PACS1: variants seen among roughly 807,000 people sequenced by gnomAD.
PACS1 encodes PACS-1.
A neutral mutation model predicts 115.0 loss-of-function variants in PACS1; 24 were observed. The ratio of observed to expected loss-of-function variants is 0.21; its 90% CI spans 0.15 to 0.29. The LOEUF is 0.29. Ranked by LOEUF, PACS1 falls within the 10% of genes least tolerant of loss-of-function variation. The probability of loss-of-function intolerance (pLI) is 1.00; values close to 1 mark genes in which losing one functional copy is unlikely to be tolerated. For synonymous variants in PACS1, 453 were observed against 504.5 expected (o/e 0.90, Z 1.37); for missense variants, 838 against 1,251.2 (o/e 0.67, Z 4.98).
intron 1 of PACS1, among the ~76,000 whole-genome samples, chr11:66,123,158 G>A (rs1345368969): frequency 8.0e-5 from 12 of 150,290 alleles, no homozygotes; most frequent in African/African-American, 2.2e-4. Context: ...GAGAAAGATT[G>A]CAACTTGCAG....
At chr11:66,118,509 G>A (rs1193374761) in intron 1 of PACS1, among the ~76,000 whole-genome samples, 1 of 152,154 alleles carries the variant, frequency 6.6e-6, no homozygotes, top group East Asian at 1.9e-4. Flanking sequence ...CTCCTTGGGA[G>A]GCTGAGGTGG....
intron 1 of PACS1, among the ~76,000 whole-genome samples, chr11:66,175,706 G>T (rs189314726): frequency 2.8e-4 from 42 of 152,296 alleles, no homozygotes; most frequent in Admixed American, 5.9e-4. Context: ...GAGCCAGGGT[G>T]GTGTCACCTT....
At chr11:66,144,729 G>T (rs1196954570) in intron 1 of PACS1, among the ~76,000 whole-genome samples, 2 of 152,190 alleles carry the variant, frequency 1.3e-5, no homozygotes, top group Non-Finnish European at 2.9e-5. Flanking sequence ...TGCCTCCCGG[G>T]TTCAAGCAAT....
chr11:66,099,631 C>T (rs188696172), intron 1 of PACS1, among the ~76,000 whole-genome samples: 87 of 152,026 alleles, frequency 5.7e-4, no homozygotes, highest in African/African-American at 1.9e-3. Context: ...CTGCAACCTC[C>T]GCCTCCTGGG....
intron 1 of PACS1, among the ~76,000 whole-genome samples, chr11:66,144,640 C>A (rs1243606085): frequency 6.6e-6 from 1 of 152,034 alleles, no homozygotes; most frequent in Non-Finnish European, 1.5e-5. Context: ...GTTCATTATT[C>A]TTTTTTTTCT....
intron 1 of PACS1, among the ~76,000 whole-genome samples, chr11:66,153,771 A>G (rs1351855122): frequency 1.3e-5 from 2 of 152,132 alleles, no homozygotes; most frequent in Admixed American, 1.3e-4. Flanking sequence ...ACAGAGCGAG[A>G]CTGTCTCAAA....
intron 2 of PACS1, among the ~76,000 whole-genome samples, chr11:66,207,088 C>A (rs1164231638): frequency 6.6e-6 from 1 of 152,112 alleles, no homozygotes. Flanking sequence ...TGAGGCAATC[C>A]GTACATCATA....
intron 1 of PACS1, among the ~76,000 whole-genome samples, chr11:66,115,232 A>G (rs1355728884): frequency 1.3e-5 from 2 of 148,900 alleles, no homozygotes; most frequent in Non-Finnish European, 3.0e-5. Flanking sequence ...AAAAAAAACT[A>G]GAACAGTGAC....
chr11:66,223,489 G>A (rs1855403702), intron 10 of PACS1, among the ~76,000 whole-genome samples: 1 of 152,036 alleles, frequency 6.6e-6, no homozygotes, highest in Non-Finnish European at 1.5e-5. Flanking sequence ...TTAGTGTTTA[G>A]GATGTGGCTT....
At chr11:66,171,627 T>C (rs1565132902) in intron 1 of PACS1, among the ~76,000 whole-genome samples, 1 of 150,070 alleles carries the variant, frequency 6.7e-6, no homozygotes, top group Non-Finnish European at 1.5e-5. Flanking sequence ...TCGCCCAGGC[T>C]GGAGTGCAGT....
At chr11:66,239,099 A>G in intron 20 of PACS1, 43 bp from the exon 21 acceptor site, 1 of 1,613,758 alleles carries the variant, frequency 6.2e-7, no homozygotes, top group Non-Finnish European at 8.5e-7. Context: ...AGTCAGAGAT[A>G]GCTTCCTCTG....
In PACS1 at chr11:66,211,116, CTG is replaced by C. The variant is rs1565148599; in HGVS notation, c.535-16_535-15del. ...AGCTGCCCATTAACCACGCTCGACT[CTG>C]TTTTGTATTTCGTAGTACCCTCATT... On this transcript the variant is annotated splice_polypyrimidine_tract_variant and intron_variant, in intron 3 of 23. Transcript: ENST00000320580. 6 of 1,612,968 alleles carry C rather than the reference CTG, an allele frequency of 3.7e-6. No individual in the cohort carries two copies. The highest frequency in any genetic ancestry group is 3.4e-6 in the Non-Finnish European group (4 of 1,179,216).
At chr11:66,219,433 C>T (rs1423427708) in intron 7 of PACS1, 3 of 479,986 alleles carry the variant, frequency 6.3e-6, no homozygotes, top group Non-Finnish European at 1.2e-5. Context: ...CAGCAGTGGG[C>T]ACTGTGAATC....
intron 2 of PACS1, among the ~76,000 whole-genome samples, chr11:66,196,490 CCAGA>C (rs1056190707): frequency 1.3e-5 from 2 of 152,138 alleles, no homozygotes; most frequent in African/African-American, 4.8e-5. Context: ...AGAGGGACTT[CCAGA>C]CAAACAGGTT....
At chr11:66,211,935 AT>A (rs1256804331) in intron 4 of PACS1, among the ~76,000 whole-genome samples, 1 of 151,660 alleles carries the variant, frequency 6.6e-6, no homozygotes, top group African/African-American at 2.4e-5. Flanking sequence ...TGACCTTGAC[AT>A]TTTTTAAGCG....
At chr11:66,239,077 T>C in intron 20 of PACS1, 65 bp from the exon 21 acceptor site, 1 of 1,611,462 alleles carries the variant, frequency 6.2e-7, no homozygotes, top group Non-Finnish European at 8.5e-7. Context: ...CCCCGGCTCC[T>C]TGCCACCACC....
intron 8 of PACS1, 143 bp from the exon 9 acceptor site, chr11:66,220,488 G>A (rs1431920529): frequency 3.7e-5 from 28 of 752,014 alleles, no homozygotes; most frequent in South Asian, 2.4e-4. Context: ...TGGAAATGAC[G>A]TGAAGGTTAC....
In PACS1 at chr11:66,238,789, C is replaced by G; in HGVS notation, c.2251-15C>G. The G allele has an allele frequency of 6.3e-7, 1 of 1,582,106 alleles. No individual in the cohort carries two copies. Among genetic ancestry groups the G allele is most frequent in the South Asian group, 1.2e-5 (1 of 86,714 alleles). The stretch of plus-strand genomic sequence containing the variant: ...TAACAGGAGGATCTAATGAGTGCCT[C>G]TTCTCTCCTTGCAGGTGGTGAAGGT... On this transcript the variant is annotated splice_polypyrimidine_tract_variant and intron_variant, in intron 19 of 23. Coordinates refer to ENST00000320580, the MANE Select transcript of PACS1 (RefSeq NM_018026.4).
At chr11:66,140,390 A>T (rs1395557733) in intron 1 of PACS1, among the ~76,000 whole-genome samples, 2 of 152,304 alleles carry the variant, frequency 1.3e-5, no homozygotes, top group East Asian at 1.9e-4. Context: ...ACAGGGAAAG[A>T]TGCTTTGTAT....
Sources: gnomAD v4.1 joint callset for allele counts (sites outside exome capture counted in the v4.1 genomes callset) on GRCh38, gnomAD v4.1.1 for gene constraint, MANE v1.5 for transcripts, NCBI Gene and HGNC (gene_info 2026-07-23, HGNC 2026-07-21) for gene names.